KHDRBS3: variants seen among roughly 807,000 people sequenced by gnomAD.
The protein encoded by KHDRBS3 is KH RNA binding domain containing, signal transduction associated 3.
KHDRBS3 carries 23 observed loss-of-function variants against 45.6 expected under a neutral mutation model. That is an observed-to-expected ratio of 0.50 (90% confidence interval 0.36 to 0.72). The LOEUF (loss-of-function observed/expected upper bound fraction) is 0.72, where lower values mean the gene tolerates loss of function less well. Among genes scored for constraint, KHDRBS3 ranks in the 30% least tolerant of loss-of-function variants. The pLI is 0.00. For synonymous variants in KHDRBS3, 162 were observed against 156.5 expected, an observed-to-expected ratio of 1.04 and a Z score of -0.26; for missense variants, 352 against 424.8, an observed-to-expected ratio of 0.83 and a Z score of 1.51.
intron 2 of KHDRBS3, among the ~76,000 whole-genome samples, chr8:135,527,325 C>G (rs1401609082): frequency 2.0e-5 from 3 of 152,152 alleles, no homozygotes; most frequent in Non-Finnish European, 4.4e-5. Flanking sequence ...GAAGGCTGCT[C>G]TAAGGAGGTT....
chr8:135,545,914 G>A (rs906351232), intron 3 of KHDRBS3, among the ~76,000 whole-genome samples: 1 of 152,172 alleles, frequency 6.6e-6, no homozygotes, highest in African/African-American at 2.4e-5. Context: ...AAGGCGGGGT[G>A]ATCACCTGAG....
intron 5 of KHDRBS3, 98 bp from the exon 6 acceptor site, chr8:135,581,780 A>G (rs1428824057): frequency 3.0e-6 from 3 of 984,244 alleles, no homozygotes; most frequent in Non-Finnish European, 4.3e-6. Context: ...TTACAAAAAT[A>G]TAGAACATTG....
At chr8:135,592,582 G>T (rs1248708542) in intron 6 of KHDRBS3, among the ~76,000 whole-genome samples, 1 of 152,192 alleles carries the variant, frequency 6.6e-6, no homozygotes, top group Non-Finnish European at 1.5e-5. Flanking sequence ...CTGCCTTTAA[G>T]TAGATAAGAG....
At chr8:135,643,962 T>C (rs1185122976) in intron 7 of KHDRBS3, among the ~76,000 whole-genome samples, 1 of 152,198 alleles carries the variant, frequency 6.6e-6, no homozygotes, top group Admixed American at 6.5e-5. Flanking sequence ...GCTGGATCAT[T>C]TTCCATTTTG....
chr8:135,652,968 C>T (rs548264490), intron 4 of KHDRBS3, among the ~76,000 whole-genome samples: 4 of 152,230 alleles, frequency 2.6e-5, no homozygotes, highest in South Asian at 4.1e-4. Context: ...TGGCCTTATT[C>T]GATTAAATTA....
At chr8:135,624,381 C>A (rs1284449255) in intron 7 of KHDRBS3, among the ~76,000 whole-genome samples, 1 of 152,150 alleles carries the variant, frequency 6.6e-6, no homozygotes, top group East Asian at 1.9e-4. Flanking sequence ...GGGCAAGTCC[C>A]CAAAAGTAGT....
intron 6 of KHDRBS3, among the ~76,000 whole-genome samples, chr8:135,584,811 A>G (rs541825603): frequency 2.0e-5 from 3 of 152,318 alleles, no homozygotes; most frequent in East Asian, 3.9e-4. Flanking sequence ...AACCTCTGGC[A>G]TAACTTCAGA....
chr8:135,478,595 G>T lies in KHDRBS3; in HGVS notation c.88+20641G>T, dbSNP rs1822412391. On this transcript the variant is annotated intron_variant, in intron 1 of 8. Coordinates refer to ENST00000355849, the MANE Select transcript of KHDRBS3 (RefSeq NM_006558.3). ...ATGCCAGTTCATAGAACAAGCCTCA[G>T]TGAGTTTTAAAGGATTGAAATTATG... Among the ~76,000 whole-genome samples, 8 of 152,190 alleles carry T rather than the reference G, an allele frequency of 5.3e-5. No individual in the cohort carries two copies. In the South Asian group the frequency reaches 1.7e-3, roughly 32 times the overall value.
At chr8:135,601,996 A>T (rs1021294395) in intron 6 of KHDRBS3, among the ~76,000 whole-genome samples, 2 of 152,214 alleles carry the variant, frequency 1.3e-5, no homozygotes, top group African/African-American at 4.8e-5. Flanking sequence ...CAGATCACCC[A>T]GTCCTCAGAT....
intron 6 of KHDRBS3, among the ~76,000 whole-genome samples, chr8:135,595,857 T>C (rs1189143526): frequency 3.3e-5 from 5 of 152,202 alleles, no homozygotes; most frequent in Non-Finnish European, 1.5e-5. Context: ...CTTGTTCTTG[T>C]GGAGACTCCA....
intron 1 of KHDRBS3, among the ~76,000 whole-genome samples, chr8:135,486,501 T>C (rs1334384014): frequency 6.6e-6 from 1 of 152,194 alleles, no homozygotes; most frequent in Admixed American, 6.5e-5. Flanking sequence ...ACAGATGCTA[T>C]CTTCATTTTC....
At chr8:135,601,188 A>G (rs762331600) in intron 6 of KHDRBS3, among the ~76,000 whole-genome samples, 1 of 152,246 alleles carries the variant, frequency 6.6e-6, no homozygotes, top group Non-Finnish European at 1.5e-5. Flanking sequence ...TCAGTCCAGC[A>G]ATGTAATGAA....
At chr8:135,593,631 C>T (rs1828846536) in intron 6 of KHDRBS3, among the ~76,000 whole-genome samples, 2 of 152,130 alleles carry the variant, frequency 1.3e-5, no homozygotes, top group Admixed American at 1.3e-4. Flanking sequence ...GTGTGTGCCA[C>T]TTTGCCCGGC....
At chr8:135,573,447 C>T (rs1211749409) in intron 5 of KHDRBS3, among the ~76,000 whole-genome samples, 1 of 152,164 alleles carries the variant, frequency 6.6e-6, no homozygotes, top group East Asian at 1.9e-4. Context: ...AGAGTAGAAG[C>T]AGAAGTCTGT....
At chr8:135,591,416 A>T (rs1471980113) in intron 6 of KHDRBS3, among the ~76,000 whole-genome samples, 1 of 152,200 alleles carries the variant, frequency 6.6e-6, no homozygotes, top group African/African-American at 2.4e-5. Flanking sequence ...ATCCAGGTTT[A>T]AAGAGTCAAA....
At chr8:135,578,636 G>A (rs1189352514) in intron 5 of KHDRBS3, among the ~76,000 whole-genome samples, 1 of 152,066 alleles carries the variant, frequency 6.6e-6, no homozygotes, top group Non-Finnish European at 1.5e-5. Context: ...AATAAGTCTT[G>A]AAATTATATA....
chr8:135,467,510 G>C (rs1480192447), intron 1 of KHDRBS3, among the ~76,000 whole-genome samples: 1 of 152,232 alleles, frequency 6.6e-6, no homozygotes, highest in Non-Finnish European at 1.5e-5. Flanking sequence ...GTTTGCAGTA[G>C]CTGCTTTGTC....
intron 1 of KHDRBS3, chr8:135,458,788 GA>G: frequency 2.2e-6 from 1 of 449,304 alleles, no homozygotes; most frequent in South Asian, 1.6e-5. Flanking sequence ...CTCAGGGTGT[GA>G]AAGATCCTAG....
chr8:135,557,846 A>G (rs565474341), intron 5 of KHDRBS3, among the ~76,000 whole-genome samples: 5 of 152,150 alleles, frequency 3.3e-5, no homozygotes, highest in African/African-American at 1.2e-4. Flanking sequence ...AATCATAATC[A>G]TAACTTTTTT....
Sources: allele counts gnomAD v4.1 joint callset (sites outside exome capture counted in the v4.1 genomes callset), GRCh38; gene constraint gnomAD v4.1.1; transcripts MANE v1.5; gene names NCBI Gene and HGNC (gene_info 2026-07-23, HGNC 2026-07-21).